Variants in ZNF37A observed in about 807,000 individuals in gnomAD.
ZNF37A encodes zinc finger protein 37A.
A neutral mutation model predicts 12.3 loss-of-function variants in ZNF37A; 10 were observed. That is an observed-to-expected ratio of 0.82 (90% CI 0.50 to 1.38). ZNF37A has a LOEUF of 1.38. ZNF37A is among the 40% of genes most tolerant of loss of function. ZNF37A has a pLI of 0.00. For synonymous variants in ZNF37A, 207 were observed against 223.0 expected (o/e 0.93, Z 0.64); for missense variants, 580 against 651.2 (o/e 0.89, Z 1.19).
In ZNF37A at chr10:38,118,337, T is replaced by A. The variant is rs147904601; in HGVS notation, c.1186T>A (p.Ser396Thr). 6.2e-7 allele frequency: 1 copy of A among 1,613,490 alleles called. No homozygotes were observed. The highest frequency in any genetic ancestry group is 1.1e-5 in the South Asian group (1 of 91,070). The change falls in exon 8 of 8, where the codon TCA becomes ACA. Residue 396 changes from serine (S) to threonine (T), a missense_variant. Coordinates refer to ENST00000685332, the MANE Select transcript of ZNF37A (RefSeq NM_001324250.3). ...YACGKAFLRK[S>T]DLIKHQRIHT... ...ATGTGGGAAAGCCTTTCTCAGAAAA[T>A]CAGACCTCATTAAACATCAAAGAAT... is the stretch of plus-strand genomic sequence containing the variant.
chr10:38,147,962 G>A (rs1450098836), exon 8 of ZNF37A: 2 of 152,174 alleles, frequency 1.3e-5, no homozygotes, highest in African/African-American at 2.4e-5. Flanking sequence ...GGAAATACAA[G>A]TCATGAGGAA....
chr10:38,107,956 T>C (rs2135944261), intron 5 of ZNF37A, among the ~76,000 whole-genome samples: 1 of 137,264 alleles, frequency 7.3e-6, no homozygotes, highest in East Asian at 2.3e-4. Context: ...AGACAGAAAA[T>C]TAACAAGGAT....
Position 38,115,206 on chromosome 10 carries a change from C to T in ZNF37A, c.154C>T (p.Pro52Ser), listed in dbSNP as rs756750908. 4 of 1,608,918 alleles carry T rather than the reference C, an allele frequency of 2.5e-6. No homozygotes were observed. Among genetic ancestry groups the T allele is most frequent in the South Asian group, 1.1e-5 (1 of 90,930 alleles). Reference sequence around the variant, plus strand: ...ATTCTCATTCACAGGGTATTGCATTCCTAAACCAGAAGTGATTCTCAAGTT... The same window carrying T: ...ATTCTCATTCACAGGGTATTGCATTTCTAAACCAGAAGTGATTCTCAAGTT... ...SHLVSVGYCIPKPEVILKLEK... is the reference protein window; with the variant it reads ...SHLVSVGYCISKPEVILKLEK... Residue 52 changes from proline (P) to serine (S), a missense_variant, in exon 7 of 8, where the codon CCT becomes TCT. Pro to Ser is a moderately conservative substitution (Grantham distance 74). Coordinates refer to ENST00000685332, the MANE Select transcript of ZNF37A (RefSeq NM_001324250.3).
intron 4 of ZNF37A, 95 bp from the exon 5 acceptor site, chr10:38,096,479 C>T (rs1438050133): frequency 5.3e-6 from 4 of 759,748 alleles, no homozygotes; most frequent in Admixed American, 2.4e-5. Context: ...CATGCATGGG[C>T]GTGTGAGTAT....
chr10:38,101,783 T>A (rs559227353), intron 5 of ZNF37A, among the ~76,000 whole-genome samples: 1 of 151,768 alleles, frequency 6.6e-6, no homozygotes, highest in East Asian at 1.9e-4. Flanking sequence ...GGATCATATA[T>A]TTGTATTTAT....
rs1243502246 is a variant in ZNF37A at position 38,147,602 on chromosome 10, A to C, written c.*782A>C. 5 of 152,176 alleles carry C rather than the reference A, an allele frequency of 3.3e-5. No individual in the cohort carries two copies. The East Asian group carries it at 9.6e-4, about 29-fold the overall frequency. 9.4% of individuals were successfully genotyped at this position (152,176 alleles called of 1,614,324 possible). A position where few individuals can be genotyped will look rare whatever the true frequency, so the allele number is the denominator to read the frequency against. ...TTTGCAACATTTCCTTGCATGTTAA[A>C]ACATTCTTCCCTGAACCCACAATGA... is the stretch of plus-strand genomic sequence containing the variant. On this transcript the variant is annotated 3_prime_UTR_variant, in exon 8 of 8. Transcript: ENST00000638053.
chr10:38,127,826 C>T (rs11011455), downstream of ZNF37A, among the ~76,000 whole-genome samples: 4,379 of 152,178 alleles, frequency 0.029, 120 homozygotes, highest in African/African-American at 0.077. Flanking sequence ...ATGCATGCCA[C>T]AAAAGAGGTG....
intron 7 of ZNF37A, chr10:38,141,161 C>T (rs2070176815): frequency 6.6e-6 from 1 of 152,176 alleles, no homozygotes; most frequent in Non-Finnish European, 1.5e-5. Context: ...TTAATATACA[C>T]TCACAAATAT....
downstream of ZNF37A, among the ~76,000 whole-genome samples, chr10:38,128,653 C>T (rs984244741): frequency 1.3e-5 from 2 of 152,120 alleles, no homozygotes; most frequent in Non-Finnish European, 2.9e-5. Flanking sequence ...ACATGATGTA[C>T]ACCATGACAT....
intron 5 of ZNF37A, among the ~76,000 whole-genome samples, chr10:38,113,610 C>T (rs545285948): frequency 1.3e-5 from 2 of 152,294 alleles, no homozygotes; most frequent in East Asian, 1.9e-4. Context: ...AATTTCCAGA[C>T]GTTCTAAGGC....
chr10:38,099,194 A>G (rs1039553006), intron 5 of ZNF37A, among the ~76,000 whole-genome samples: 5 of 152,156 alleles, frequency 3.3e-5, no homozygotes, highest in Non-Finnish European at 5.9e-5. Context: ...AGTGTTATGT[A>G]TGTGTATTCA....
At chr10:38,113,030 A>G (rs1176386004) in intron 5 of ZNF37A, among the ~76,000 whole-genome samples, 1 of 150,140 alleles carries the variant, frequency 6.7e-6, no homozygotes, top group African/African-American at 2.5e-5. Flanking sequence ...CTGGTCTTGA[A>G]CTCCTGACCT....
At chr10:38,127,214 TTGTA>T (rs1408959396), downstream of ZNF37A, among the ~76,000 whole-genome samples, 1 of 152,090 alleles carries the variant, frequency 6.6e-6, no homozygotes. Flanking sequence ...AGATTTGTAG[TTGTA>T]TGGAGCTTGC....
chr10:38,149,414 C>G (rs1461132061), exon 8 of ZNF37A: 1 of 152,108 alleles, frequency 6.6e-6, no homozygotes, highest in African/African-American at 2.4e-5. Context: ...CCTCCAGGCT[C>G]TCTCACATGC....
intron 6 of ZNF37A, 86 bp from the exon 7 acceptor site, chr10:38,115,098 TGTGTGTGTGTG>T (rs2069147748): frequency 1.9e-6 from 2 of 1,044,528 alleles, no homozygotes; most frequent in East Asian, 5.1e-5. Flanking sequence ...TGTGTGTGTG[TGTGTGTGTGTG>T]TGTGTGTACT....
At chr10:38,097,583 C>CAAAAAAAAAAAAAAAAAAAAAAAAAAAAA (rs71007695) in intron 5 of ZNF37A, among the ~76,000 whole-genome samples, 2 of 61,946 alleles carry the variant, frequency 3.2e-5, no homozygotes, top group African/African-American at 9.3e-5. Context: ...GACTCTGTCT[C>CAAAAAAAAAAAAAAAAAAAAAAAAAAAAA]AAAAAAAAAA....
chr10:38,115,110 TG>T, intron 6 of ZNF37A, 84 bp from the exon 7 acceptor site: 9 of 1,080,690 alleles, frequency 8.3e-6, no homozygotes, highest in South Asian at 1.5e-5. Context: ...TGTGTGTGTG[TG>T]TGTGTACTGT....
At chr10:38,137,312 G>A (rs2070120141) in intron 7 of ZNF37A, 1 of 152,128 alleles carries the variant, frequency 6.6e-6, no homozygotes, top group East Asian at 1.9e-4. Context: ...GTTTTATGGT[G>A]TTCCTTATTG....
At chr10:38,138,575 G>A (rs113694742) in intron 7 of ZNF37A, 3 of 152,252 alleles carry the variant, frequency 2.0e-5, no homozygotes, top group African/African-American at 4.8e-5. Flanking sequence ...ATTGGACTAA[G>A]GTTAGAATAC....
Sources: gnomAD v4.1 joint callset for allele counts (sites outside exome capture counted in the v4.1 genomes callset) on GRCh38, gnomAD v4.1.1 for gene constraint, MANE v1.5 for transcripts, NCBI Gene and HGNC (gene_info 2026-07-23, HGNC 2026-07-21) for gene names.